Variants in COG5 observed in about 807,000 individuals in gnomAD.
COG5 encodes conserved oligomeric Golgi complex subunit 5.
COG5 carries 86 observed loss-of-function variants against 110.4 expected under a neutral mutation model. The observed-to-expected ratio is 0.78, with a 90% CI of 0.65 to 0.93. The LOEUF (loss-of-function observed/expected upper bound fraction) is 0.93, where lower values mean the gene tolerates loss of function less well. COG5 is among the 40% of genes least tolerant of loss of function. The pLI, the probability that COG5 is intolerant of heterozygous loss-of-function variation, is 0.00. For synonymous variants in COG5, 360 were observed against 334.6 expected (o/e 1.08, Z -0.83); for missense variants, 1,077 against 987.0 (o/e 1.09, Z -1.22).
At chr7:107,235,021 C>A (rs1312368278) in intron 18 of COG5, among the ~76,000 whole-genome samples, 1 of 152,156 alleles carries the variant, frequency 6.6e-6, no homozygotes, top group Non-Finnish European at 1.5e-5. Context: ...GTGGCTACTA[C>A]AAGCATATTT....
rs184813420 is a variant in COG5 at position 107,536,676 on chromosome 7, G to A, written c.418-9319C>T. Among the ~76,000 whole-genome samples, 1,138 of 152,256 alleles carry A rather than the reference G, an allele frequency of 7.5e-3. 17 individuals are homozygous for A. Among genetic ancestry groups the A allele is most frequent in the African/African-American group, 0.026 (1,087 of 41,552 alleles). ...TAGGAAGAATCAATATCATGAAAAT[G>A]GCCATTCTGCCCAAAATAATTTATA... On this transcript the variant is annotated intron_variant, in intron 5 of 21. Coordinates refer to ENST00000297135, the MANE Select transcript of COG5 (RefSeq NM_006348.5).
intron 10 of COG5, among the ~76,000 whole-genome samples, chr7:107,342,346 G>C (rs1024342949): frequency 6.1e-5 from 8 of 132,142 alleles, no homozygotes; most frequent in African/African-American, 2.2e-4. Flanking sequence ...TATTATAAAA[G>C]AGTCAAAACA....
intron 5 of COG5, among the ~76,000 whole-genome samples, chr7:107,545,610 T>C (rs958825006): frequency 1.3e-5 from 2 of 151,732 alleles, no homozygotes; most frequent in African/African-American, 4.8e-5. Context: ...CGAAATGCCA[T>C]CTCTACCAAA....
At chr7:107,205,473 G>A (rs567008643) in intron 21 of COG5, among the ~76,000 whole-genome samples, 1 of 152,236 alleles carries the variant, frequency 6.6e-6, no homozygotes, top group South Asian at 2.1e-4. Flanking sequence ...CCATTTGTAT[G>A]GCCCAACCTG....
chr7:107,387,636 C>T (rs910157316), intron 7 of COG5, among the ~76,000 whole-genome samples: 4 of 152,164 alleles, frequency 2.6e-5, no homozygotes, highest in Non-Finnish European at 4.4e-5. Context: ...GGGAAATTAA[C>T]AAAGAGCCCA....
intron 8 of COG5, among the ~76,000 whole-genome samples, chr7:107,371,453 A>G (rs981789472): frequency 2.0e-5 from 3 of 151,898 alleles, no homozygotes; most frequent in Non-Finnish European, 2.9e-5. Flanking sequence ...TTAACAATCT[A>G]AAAAAAATTA....
intron 5 of COG5, among the ~76,000 whole-genome samples, chr7:107,540,486 G>A (rs916092703): frequency 6.6e-6 from 1 of 151,564 alleles, no homozygotes; most frequent in African/African-American, 2.4e-5. Context: ...GCTGGGGCAG[G>A]AGGATTGCTT....
intron 7 of COG5, among the ~76,000 whole-genome samples, chr7:107,381,085 T>C (rs1815078174): frequency 6.6e-6 from 1 of 152,186 alleles, no homozygotes; most frequent in Admixed American, 6.5e-5. Context: ...TGTGAACATA[T>C]TAATTAAATT....
rs745815219 is a variant in COG5 at position 107,436,364 on chromosome 7, A to G, written c.539-23732T>C. Among the ~76,000 whole-genome samples the G allele has an allele frequency of 3.9e-5, 6 of 152,320 alleles. No homozygotes were observed. In the East Asian group the frequency reaches 7.7e-4, roughly 20 times the overall value. ...AATAAGCTAGTCAACAAACAAACAA[A>G]TATATAATCCCTCTGATGTGAGGTA... On this transcript the variant is annotated intron_variant, in intron 6 of 21. Coordinates refer to ENST00000297135, the MANE Select transcript of COG5 (RefSeq NM_006348.5).
intron 5 of COG5, among the ~76,000 whole-genome samples, chr7:107,533,983 C>T (rs901167056): frequency 6.6e-6 from 1 of 151,690 alleles, no homozygotes; most frequent in African/African-American, 2.4e-5. Flanking sequence ...AGAAACCCTA[C>T]AAGCCAGAAG....
chr7:107,336,714 T>A (rs1810729212), intron 10 of COG5, among the ~76,000 whole-genome samples: 1 of 152,184 alleles, frequency 6.6e-6, no homozygotes, highest in African/African-American at 2.4e-5. Context: ...CATTCCTCAA[T>A]TAAAGTCACT....
intron 21 of COG5, among the ~76,000 whole-genome samples, chr7:107,205,006 CAT>C: frequency 1.3e-5 from 2 of 152,224 alleles, no homozygotes; most frequent in Non-Finnish European, 2.9e-5. Flanking sequence ...TTGCTACACA[CAT>C]TTCCACATCC....
intron 16 of COG5, among the ~76,000 whole-genome samples, chr7:107,254,496 G>A (rs1448092325): frequency 1.3e-5 from 2 of 152,026 alleles, no homozygotes; most frequent in Non-Finnish European, 2.9e-5. Flanking sequence ...GTCTCTAACT[G>A]ATGAGGCCAC....
chr7:107,525,390 T>C (rs1297765456), intron 6 of COG5, among the ~76,000 whole-genome samples: 2 of 152,100 alleles, frequency 1.3e-5, no homozygotes, highest in African/African-American at 2.4e-5. Context: ...TGGAATAATA[T>C]GCATCTATGT....
intron 6 of COG5, among the ~76,000 whole-genome samples, chr7:107,463,383 G>A (rs1054141982): frequency 1.3e-5 from 2 of 152,170 alleles, no homozygotes; most frequent in Admixed American, 1.3e-4. Context: ...CCAAAGTTGT[G>A]ATTTTCTTTT....
intron 6 of COG5, among the ~76,000 whole-genome samples, chr7:107,447,272 A>C (rs1264066978): frequency 6.6e-6 from 1 of 152,146 alleles, no homozygotes; most frequent in Non-Finnish European, 1.5e-5. Flanking sequence ...CAGCTGGGAA[A>C]AGTTCTCCAC....
intron 14 of COG5, among the ~76,000 whole-genome samples, chr7:107,279,240 A>G (rs1403237822): frequency 2.6e-5 from 4 of 152,222 alleles, no homozygotes; most frequent in Non-Finnish European, 4.4e-5. Context: ...ACAATGAGAT[A>G]CCATCTCATG....
chr7:107,260,159 A>G (rs184296704), intron 14 of COG5, among the ~76,000 whole-genome samples: 1 of 151,940 alleles, frequency 6.6e-6, no homozygotes, highest in Non-Finnish European at 1.5e-5. Flanking sequence ...ATTCATAATA[A>G]TAAGAAAATA....
intron 5 of COG5, 124 bp from the exon 6 acceptor site, chr7:107,527,481 G>T (rs1257834111): frequency 2.0e-6 from 2 of 993,572 alleles, no homozygotes; most frequent in African/African-American, 1.6e-5. Context: ...GTTTACCTAT[G>T]TAACAAACCT....
Sources: allele counts gnomAD v4.1 joint callset (sites outside exome capture counted in the v4.1 genomes callset), GRCh38; gene constraint gnomAD v4.1.1; transcripts MANE v1.5; gene names NCBI Gene and HGNC (gene_info 2026-07-23, HGNC 2026-07-21).